POLE2: variants seen among roughly 807,000 people sequenced by gnomAD.
POLE2 encodes DNA polymerase epsilon subunit 2.
In POLE2, 56 loss-of-function variants were observed where a neutral mutation model predicts 79.4. The ratio of observed to expected loss-of-function variants is 0.71; its 90% CI spans 0.57 to 0.88. The LOEUF is 0.88. Among genes scored for constraint, POLE2 ranks in the 40% least tolerant of loss-of-function variants. The probability of loss-of-function intolerance (pLI) is 0.00; values close to 1 mark genes in which losing one functional copy is unlikely to be tolerated. For missense variants in POLE2, 598 were observed against 638.9 expected (o/e 0.94, Z 0.69); for synonymous variants, 212 against 214.0 (o/e 0.99, Z 0.08).
chr14:49,665,311 T>C (rs1885402161), intron 7 of POLE2, 148 bp from the exon 8 acceptor site: 2 of 585,452 alleles, frequency 3.4e-6, no homozygotes, highest in Non-Finnish European at 6.1e-6. Flanking sequence ...GGCTCTTCCA[T>C]TTACTAGTCT....
rs1884473561 is a variant in POLE2, at chr14:49,654,076, A to G, written c.1134-9T>C. ...TTTCAGCAAGTGGTGGCCTATAAAAACAATTTATGTGATATAGTTTATCTT... is the reference window on the plus strand; with the variant it reads ...TTTCAGCAAGTGGTGGCCTATAAAAGCAATTTATGTGATATAGTTTATCTT... On this transcript the variant is annotated splice_polypyrimidine_tract_variant and intron_variant, in intron 14 of 18. Transcript: ENST00000216367. 4 of 1,596,880 alleles carry G rather than the reference A, an allele frequency of 2.5e-6. No homozygotes were observed. In the East Asian group the frequency reaches 8.9e-5, roughly 36 times the overall value.
chr14:49,650,836 G>T (rs1158062905), intron 16 of POLE2, among the ~76,000 whole-genome samples: 1 of 152,064 alleles, frequency 6.6e-6, no homozygotes, highest in African/African-American at 2.4e-5. Context: ...TCAAATGGGG[G>T]TGTATGTAAC....
rs780879212 is a variant in POLE2, at chr14:49,664,623, T to C, written c.682+3A>G. ...AGGACAGTAACAAAGTATACTGACT[T>C]ACCTTCTGCTAAGACAAAGCATGCC... On this transcript the variant is annotated splice_donor_region_variant and intron_variant, in intron 9 of 18. Coordinates refer to ENST00000216367, the MANE Select transcript of POLE2 (RefSeq NM_002692.4). The C allele has an allele frequency of 7.0e-6, 11 of 1,570,524 alleles. No individual in the cohort carries two copies. In the East Asian group the frequency reaches 2.0e-4, roughly 29 times the overall value.
Position 49,674,173 on chromosome 14 carries a change from G to C in POLE2, c.367C>G (p.Pro123Ala), listed in dbSNP as rs1377361369. 2 of 1,613,464 alleles carry C rather than the reference G, an allele frequency of 1.2e-6. No homozygotes were observed. Among genetic ancestry groups the C allele is most frequent in the South Asian group, 1.1e-5 (1 of 91,066 alleles). The change falls in exon 5 of 19, where the codon CCA becomes GCA. Residue 123 changes from proline to alanine, a missense_variant. Coordinates refer to ENST00000216367, the MANE Select transcript of POLE2 (RefSeq NM_002692.4). ...CGAAACATCTCTGCTTTATCTCTTG[G>C]TGTTCCAAATAAATTTGGTGCAGGG... ...NHPAPNLFGT[P>A]RDKAEMFRER...
chr14:49,685,907 G>A (rs562973859), intron 1 of POLE2, among the ~76,000 whole-genome samples: 32 of 152,046 alleles, frequency 2.1e-4, no homozygotes, highest in Non-Finnish European at 3.5e-4. Context: ...GATTACAGGC[G>A]TGAGCCACTG....
chr14:49,664,824 A>T (rs1309313822), intron 8 of POLE2, 150 bp from the exon 9 acceptor site: 5 of 623,462 alleles, frequency 8.0e-6, no homozygotes, highest in African/African-American at 3.8e-5. Flanking sequence ...AGCTTAAAAA[A>T]TTTTAGTTTT....
chr14:49,665,627 C>T (rs888206301), intron 7 of POLE2, among the ~76,000 whole-genome samples: 2 of 151,240 alleles, frequency 1.3e-5, no homozygotes, highest in Admixed American at 1.3e-4. Context: ...AAACCAAACA[C>T]AGATGAAAAA....
chr14:49,683,469 C>A (rs1461770576), intron 2 of POLE2, 124 bp downstream of exon 2: 3 of 544,018 alleles, frequency 5.5e-6, no homozygotes, highest in Non-Finnish European at 9.7e-6. Context: ...TGCTACCATG[C>A]ATACATCTTA....
intron 18 of POLE2, among the ~76,000 whole-genome samples, chr14:49,645,806 AT>A (rs1335606793): frequency 6.6e-6 from 1 of 152,016 alleles, no homozygotes. Flanking sequence ...AATTTTTTGT[AT>A]TTTTTTGTAG....
At chr14:49,664,114 C>T (rs1206489611) in intron 9 of POLE2, among the ~76,000 whole-genome samples, 9 of 150,430 alleles carry the variant, frequency 6.0e-5, no homozygotes, top group Admixed American at 4.6e-4. Context: ...TTTGGGAGGC[C>T]GAGGCGGGTG....
chr14:49,649,758 A>G (rs1029732578), intron 17 of POLE2, among the ~76,000 whole-genome samples: 5 of 152,192 alleles, frequency 3.3e-5, no homozygotes, highest in African/African-American at 4.8e-5. Context: ...CTAAAAGTCA[A>G]TTATATTTCT....
intron 17 of POLE2, among the ~76,000 whole-genome samples, chr14:49,647,729 A>G (rs969764522): frequency 2.0e-4 from 30 of 152,184 alleles, no homozygotes; most frequent in African/African-American, 7.2e-4. Flanking sequence ...GAGTGCTGGG[A>G]TTACAGGCAT....
chr14:49,679,738 C>A lies in POLE2; in HGVS notation c.232G>T (p.Val78Phe). ...EAAVQECSQS[V>F]DETIEHVFNI... ...GTACCCACATACATAGTTTCATCAA[C>A]AGACTGACTGCATTCCTGGACTGCT... is the stretch of plus-strand genomic sequence containing the variant. The change falls in exon 3 of 19, where the codon GTT becomes TTT. Residue 78 changes from valine (V) to phenylalanine (F), a missense_variant. Transcript: ENST00000216367. The A allele has an allele frequency of 6.3e-7, 1 of 1,593,080 alleles. No homozygotes were observed. Among genetic ancestry groups the A allele is most frequent in the Non-Finnish European group, 8.6e-7 (1 of 1,161,216 alleles).
At chr14:49,666,054 G>A (rs574351282) in intron 7 of POLE2, among the ~76,000 whole-genome samples, 44 of 152,168 alleles carry the variant, frequency 2.9e-4, no homozygotes, top group Admixed American at 9.2e-4. Flanking sequence ...TTGAACTCCC[G>A]GCCTCAGGTG....
chr14:49,664,634 A>C lies in POLE2; in HGVS notation c.674T>G (p.Leu225Ter), dbSNP rs1885344904. The C allele has an allele frequency of 1.3e-6, 2 of 1,589,652 alleles. No homozygotes were observed. The highest frequency in any genetic ancestry group is 1.7e-6 in the Non-Finnish European group (2 of 1,157,898). Residue 225 changes from leucine to a stop codon, truncating the protein, a stop_gained, in exon 9 of 19, where the codon TTA (leucine) becomes TGA (stop). Coordinates refer to ENST00000216367, the MANE Select transcript of POLE2 (RefSeq NM_002692.4). LOFTEE classifies it high-confidence loss of function. ...AAAGTATACTGACTTACCTTCTGCT[A>C]AGACAAAGCATGCCTCTGTGTATAA... ...SGLYTEACFV[L>*]AEGWFEDQVF...
chr14:49,646,320 T>C (rs947368384), intron 18 of POLE2, among the ~76,000 whole-genome samples: 1 of 92,902 alleles, frequency 1.1e-5, no homozygotes, highest in Non-Finnish European at 2.6e-5. Context: ...TTTTTTTTTT[T>C]TTTTTTTTTT....
chr14:49,677,095 G>A (rs1886332499), intron 3 of POLE2, among the ~76,000 whole-genome samples: 1 of 152,202 alleles, frequency 6.6e-6, no homozygotes, highest in Non-Finnish European at 1.5e-5. Context: ...CTAGTGGAGG[G>A]GTTACAGGAT....
intron 9 of POLE2, 27 bp from the exon 10 acceptor site, chr14:49,663,414 T>A (rs369241624): frequency 1.1e-5 from 17 of 1,522,182 alleles, no homozygotes; most frequent in South Asian, 9.1e-5. Flanking sequence ...TCACTTTCAT[T>A]TGTCTAATCC....
At chr14:49,655,287 T>C (rs926875170) in intron 11 of POLE2, among the ~76,000 whole-genome samples, 193 bp from the exon 12 acceptor site, 1 of 152,166 alleles carries the variant, frequency 6.6e-6, no homozygotes, top group African/African-American at 2.4e-5. Context: ...ATTGGCTTAA[T>C]TACTCCTCAG....
Sources: allele counts gnomAD v4.1 joint callset (sites outside exome capture counted in the v4.1 genomes callset), GRCh38; gene constraint gnomAD v4.1.1; transcripts MANE v1.5; gene names NCBI Gene and HGNC (gene_info 2026-07-23, HGNC 2026-07-21).